TNRC6B: variants seen among roughly 807,000 people sequenced by gnomAD.
The protein encoded by TNRC6B is trinucleotide repeat containing adaptor 6B.
In TNRC6B, 52 loss-of-function variants were observed where a neutral mutation model predicts 203.6. That is an observed-to-expected ratio of 0.26 (90% confidence interval 0.20 to 0.32). The LOEUF (loss-of-function observed/expected upper bound fraction) is 0.32. Ranked by LOEUF, TNRC6B falls within the 10% of genes least tolerant of loss-of-function variation. TNRC6B has a pLI of 1.00. For missense variants in TNRC6B, 1,923 were observed against 2,286.2 expected (o/e 0.84, Z 3.24); for synonymous variants, 838 against 845.7 (o/e 0.99, Z 0.16).
At position 40,324,862 on chromosome 22, in the gene TNRC6B, C is replaced by CT. The variant is rs78110525; in HGVS notation, c.*1635dup. 188 of 142,984 alleles carry CT rather than the reference C, an allele frequency of 1.3e-3. No individual in the cohort carries two copies. Among genetic ancestry groups the CT allele is most frequent in the East Asian group, 3.8e-3 (19 of 4,974 alleles). The allele number at this position is 142,984 out of a possible 1,614,324, so 8.9% of individuals were successfully genotyped here. ...CTTTTTTAATTTCGGTATTTAAATA[C>CT]TTTTTTTTTTTTTTAAGCATCAATG... is the stretch of plus-strand genomic sequence containing the variant. On this transcript the variant is annotated 3_prime_UTR_variant, in exon 23 of 23. Coordinates refer to ENST00000454349, the MANE Select transcript of TNRC6B (RefSeq NM_001162501.2).
rs577668909 is a variant in TNRC6B, at chr22:40,313,493, T to A, written c.4678+496T>A. On this transcript the variant is annotated intron_variant, in intron 19 of 22. Coordinates refer to ENST00000454349, the MANE Select transcript of TNRC6B (RefSeq NM_001162501.2). Reference sequence around the variant, plus strand: ...ATTTGGTAAGTTCCTCATGGTTTTTTAAAAGATATTAGGAAATGGAAAAGT... The same window carrying A: ...ATTTGGTAAGTTCCTCATGGTTTTTAAAAAGATATTAGGAAATGGAAAAGT... Among the ~76,000 whole-genome samples the A allele has an allele frequency of 9.2e-5, 14 of 152,300 alleles. No individual in the cohort carries two copies. In the South Asian group the frequency reaches 1.7e-3, roughly 18 times the overall value.
At chr22:40,066,166 C>T (rs573742422) in intron 1 of TNRC6B, among the ~76,000 whole-genome samples, 1 of 152,226 alleles carries the variant, frequency 6.6e-6, no homozygotes, top group South Asian at 2.1e-4. Context: ...GACTGGGAAA[C>T]TTTCCCTAGG....
intron 1 of TNRC6B, among the ~76,000 whole-genome samples, chr22:40,076,486 T>C (rs1220295369): frequency 1.3e-5 from 2 of 152,216 alleles, no homozygotes; most frequent in African/African-American, 4.8e-5. Context: ...TTTTGCTGGA[T>C]ATCAAATTTT....
At chr22:40,136,948 T>C (rs1193270410) in intron 3 of TNRC6B, among the ~76,000 whole-genome samples, 1 of 152,210 alleles carries the variant, frequency 6.6e-6, no homozygotes, top group African/African-American at 2.4e-5. Context: ...TTAAAGATAG[T>C]TAAATAGGGT....
intron 1 of TNRC6B, among the ~76,000 whole-genome samples, chr22:40,182,712 G>C (rs916557679): frequency 6.6e-6 from 1 of 152,220 alleles, no homozygotes; most frequent in African/African-American, 2.4e-5. Flanking sequence ...GGTTATGACT[G>C]AGATAACTCC....
chr22:40,206,218 A>G (rs1310269968), intron 1 of TNRC6B, among the ~76,000 whole-genome samples: 1 of 152,112 alleles, frequency 6.6e-6, no homozygotes, highest in Non-Finnish European at 1.5e-5. Context: ...TTTCTGTATG[A>G]GATGCTCATT....
intron 1 of TNRC6B, among the ~76,000 whole-genome samples, chr22:40,199,425 C>T (rs2069381176): frequency 6.6e-6 from 1 of 152,122 alleles, no homozygotes; most frequent in African/African-American, 2.4e-5. Flanking sequence ...GCAAAGAGAA[C>T]ACACCATTCC....
At chr22:40,203,519 G>T (rs981254590) in intron 1 of TNRC6B, among the ~76,000 whole-genome samples, 5 of 152,114 alleles carry the variant, frequency 3.3e-5, no homozygotes, top group Non-Finnish European at 5.9e-5. Flanking sequence ...GAAAACTGAA[G>T]AAGGTAAAAT....
intron 1 of TNRC6B, among the ~76,000 whole-genome samples, chr22:40,208,589 G>A (rs2146417844): frequency 6.6e-6 from 1 of 152,186 alleles, no homozygotes; most frequent in East Asian, 1.9e-4. Flanking sequence ...GTCAATCAAG[G>A]GAGTGCTAAG....
At chr22:40,322,244 G>A (rs1464668999) in intron 22 of TNRC6B, among the ~76,000 whole-genome samples, 3 of 152,194 alleles carry the variant, frequency 2.0e-5, no homozygotes, top group African/African-American at 7.2e-5. Context: ...CAGCCAAATC[G>A]AGAGGAAGAT....
At chr22:40,311,885 A>G (rs964578301) in intron 17 of TNRC6B, among the ~76,000 whole-genome samples, 2 of 152,196 alleles carry the variant, frequency 1.3e-5, no homozygotes, top group African/African-American at 4.8e-5. Context: ...TATAATACAC[A>G]TTGCTCTTTC....
At chr22:40,158,204 T>TC (rs1445757781) in intron 4 of TNRC6B, among the ~76,000 whole-genome samples, 1 of 151,984 alleles carries the variant, frequency 6.6e-6, no homozygotes, top group East Asian at 1.9e-4. Flanking sequence ...CCAGGCGTGG[T>TC]GGCACACGCC....
intron 3 of TNRC6B, among the ~76,000 whole-genome samples, chr22:40,132,059 C>G (rs1160389368): frequency 6.6e-6 from 1 of 152,124 alleles, no homozygotes; most frequent in Non-Finnish European, 1.5e-5. Context: ...TGAAAATTAC[C>G]TTCTGTGACT....
Position 40,178,045 on chromosome 22 carries a change from A to T in TNRC6B, c.-91A>T. 1 of 1,583,024 alleles carries T rather than the reference A, an allele frequency of 6.3e-7. No individual in the cohort carries two copies. The highest frequency in any genetic ancestry group is 1.2e-5 in the South Asian group (1 of 86,006). Reference sequence around the variant, plus strand: ...ATATTTAAAATACAAAAAAACAGATAGACAAAAAGAATTCATTTTTTGGAC... The same window carrying T: ...ATATTTAAAATACAAAAAAACAGATTGACAAAAAGAATTCATTTTTTGGAC... On this transcript the variant is annotated 5_prime_UTR_variant, in exon 1 of 23. Coordinates refer to ENST00000454349, the MANE Select transcript of TNRC6B (RefSeq NM_001162501.2).
intron 1 of TNRC6B, among the ~76,000 whole-genome samples, chr22:40,186,536 G>A (rs1019691414): frequency 9.9e-5 from 15 of 151,754 alleles, no homozygotes; most frequent in African/African-American, 3.1e-4. Context: ...TCAGGAGATC[G>A]AGACCATCCT....
intron 20 of TNRC6B, 66 bp from the exon 21 acceptor site, chr22:40,315,874 TTC>T (rs2071250493): frequency 8.6e-7 from 1 of 1,168,456 alleles, no homozygotes; most frequent in African/African-American, 1.5e-5. Context: ...ATGAAAATCT[TTC>T]TCCCTCATGG....
intron 3 of TNRC6B, chr22:40,156,035 C>A: frequency 7.5e-7 from 1 of 1,341,782 alleles, no homozygotes; most frequent in Non-Finnish European, 1.0e-6. Flanking sequence ...TGTGGTTCTG[C>A]ACAGGGCAGG....
intron 12 of TNRC6B, among the ~76,000 whole-genome samples, chr22:40,294,056 G>A (rs868655890): frequency 2.8e-4 from 36 of 126,352 alleles, no homozygotes; most frequent in Admixed American, 1.2e-3. Context: ...GGGCAAAATG[G>A]CAAAACCCCA....
intron 1 of TNRC6B, among the ~76,000 whole-genome samples, chr22:40,223,874 C>A (rs2069748778): frequency 6.6e-6 from 1 of 152,340 alleles, no homozygotes; most frequent in East Asian, 1.9e-4. Context: ...CGTTTATATT[C>A]TCATCAGCAA....
Sources: gnomAD v4.1 joint callset for allele counts (sites outside exome capture counted in the v4.1 genomes callset) on GRCh38, gnomAD v4.1.1 for gene constraint, MANE v1.5 for transcripts, NCBI Gene and HGNC (gene_info 2026-07-23, HGNC 2026-07-21) for gene names.